SPAG16: variants seen among roughly 807,000 people sequenced by gnomAD.
SPAG16 encodes sperm-associated antigen 16 protein.
A neutral mutation model predicts 80.4 loss-of-function variants in SPAG16; 86 were observed. That is an observed-to-expected ratio of 1.07 (90% CI 0.90 to 1.28). The LOEUF (loss-of-function observed/expected upper bound fraction) is 1.28, where lower values mean the gene tolerates loss of function less well. SPAG16 is among the 50% of genes most tolerant of loss of function. The pLI is 0.00. For synonymous variants in SPAG16, 294 were observed against 265.9 expected (o/e 1.11, Z -1.03); for missense variants, 870 against 765.3 (o/e 1.14, Z -1.61).
intron 9 of SPAG16, among the ~76,000 whole-genome samples, chr2:213,458,570 T>TA (rs1255342712): frequency 6.6e-6 from 1 of 152,128 alleles, no homozygotes; most frequent in African/African-American, 2.4e-5. Context: ...AGACTCAGTC[T>TA]AAAAAAATAA....
intron 9 of SPAG16, among the ~76,000 whole-genome samples, chr2:213,393,772 G>A (rs2067893486): frequency 6.6e-6 from 1 of 151,656 alleles, no homozygotes; most frequent in South Asian, 2.1e-4. Context: ...ATTCATTATT[G>A]CCAGGGTTTT....
chr2:213,293,179 A>G (rs781355306), intron 1 of SPAG16, among the ~76,000 whole-genome samples: 1 of 152,092 alleles, frequency 6.6e-6, no homozygotes, highest in Non-Finnish European at 1.5e-5. Flanking sequence ...TCTCTCTTTC[A>G]TGGTGCCCTG....
intron 12 of SPAG16, among the ~76,000 whole-genome samples, chr2:213,956,847 A>C (rs566337909): frequency 6.6e-6 from 1 of 152,116 alleles, no homozygotes; most frequent in East Asian, 1.9e-4. Flanking sequence ...TTCTGTTTTC[A>C]TTCATCTCTA....
At chr2:213,579,444 T>C (rs2060229858) in intron 10 of SPAG16, among the ~76,000 whole-genome samples, 2 of 152,148 alleles carry the variant, frequency 1.3e-5, no homozygotes, top group East Asian at 3.9e-4. Context: ...ATTGGTCTTA[T>C]TAAAACTCTT....
At chr2:213,502,068 G>A (rs2074765894) in intron 10 of SPAG16, among the ~76,000 whole-genome samples, 1 of 151,986 alleles carries the variant, frequency 6.6e-6, no homozygotes, top group Non-Finnish European at 1.5e-5. Flanking sequence ...CTTTTATTCT[G>A]GAATAGGACA....
intron 15 of SPAG16, among the ~76,000 whole-genome samples, chr2:214,353,626 A>T (rs1698570027): frequency 6.6e-6 from 1 of 152,142 alleles, no homozygotes; most frequent in South Asian, 2.1e-4. Flanking sequence ...AAATGCTAAT[A>T]TGTGGTGTTT....
chr2:213,452,320 G>A (rs2008939), intron 9 of SPAG16, among the ~76,000 whole-genome samples: 3,536 of 152,190 alleles, frequency 0.023, 58 homozygotes, highest in South Asian at 0.038. Flanking sequence ...ACCTTGGTAC[G>A]TATTTCAGTG....
chr2:213,627,596 C>T (rs2062004387), intron 10 of SPAG16, among the ~76,000 whole-genome samples: 2 of 152,148 alleles, frequency 1.3e-5, no homozygotes, highest in African/African-American at 4.8e-5. Flanking sequence ...TGTCTGTCTC[C>T]TTTACCACAC....
At chr2:213,886,906 T>C (rs552771324) in intron 11 of SPAG16, among the ~76,000 whole-genome samples, 3 of 152,260 alleles carry the variant, frequency 2.0e-5, no homozygotes, top group South Asian at 2.1e-4. Context: ...GAGAGAAATA[T>C]TAAAATTATC....
intron 11 of SPAG16, among the ~76,000 whole-genome samples, chr2:213,869,265 A>AAAAAAATATATATATACG (rs1491244962): frequency 4.0e-5 from 1 of 24,806 alleles, no homozygotes; most frequent in Non-Finnish European, 2.8e-4. Context: ...AAAAAAAAAA[A>AAAAAAATATATATATACG]TATATATATA....
rs558144279 is a variant in SPAG16 at position 214,233,325 on chromosome 2, C to T, written c.1720+84059C>T. Among the ~76,000 whole-genome samples, 9 of 147,910 alleles carry T rather than the reference C, an allele frequency of 6.1e-5. No homozygotes were observed. In the East Asian group the frequency reaches 1.8e-3, roughly 30 times the overall value. Reference sequence around the variant, plus strand: ...AGCCTTCTGTATATGTGCCCTAATTCTCAGTAAAAATAGATAATAATGATG... The same window carrying T: ...AGCCTTCTGTATATGTGCCCTAATTTTCAGTAAAAATAGATAATAATGATG... On this transcript the variant is annotated intron_variant, in intron 15 of 15. Coordinates refer to ENST00000331683, the MANE Select transcript of SPAG16 (RefSeq NM_024532.5).
chr2:213,526,510 C>T (rs926953689), intron 10 of SPAG16, among the ~76,000 whole-genome samples: 5 of 152,196 alleles, frequency 3.3e-5, no homozygotes, highest in Non-Finnish European at 7.4e-5. Flanking sequence ...CCCTTTGGCT[C>T]TGATCTGGAC....
At chr2:214,262,428 G>A (rs1022823034) in intron 15 of SPAG16, among the ~76,000 whole-genome samples, 1 of 151,934 alleles carries the variant, frequency 6.6e-6, no homozygotes, top group African/African-American at 2.4e-5. Context: ...ACTTTGAAGA[G>A]TCTTTGTTAT....
intron 10 of SPAG16, among the ~76,000 whole-genome samples, chr2:213,837,057 T>G (rs1187934535): frequency 6.6e-6 from 1 of 152,256 alleles, no homozygotes. Flanking sequence ...AGACTCCTCA[T>G]TTTAATTCCG....
intron 13 of SPAG16, among the ~76,000 whole-genome samples, chr2:214,014,522 G>A (rs1275191699): frequency 6.6e-6 from 1 of 152,164 alleles, no homozygotes; most frequent in Non-Finnish European, 1.5e-5. Flanking sequence ...AGTGTGGATG[G>A]CTTTCAAAGG....
At chr2:214,254,483 T>C (rs1173096534) in intron 15 of SPAG16, among the ~76,000 whole-genome samples, 1 of 151,994 alleles carries the variant, frequency 6.6e-6, no homozygotes, top group Non-Finnish European at 1.5e-5. Flanking sequence ...TTATTGAGAG[T>C]TTTTAACATG....
chr2:214,176,590 G>C (rs1427725682), intron 15 of SPAG16, among the ~76,000 whole-genome samples: 5 of 151,364 alleles, frequency 3.3e-5, no homozygotes, highest in African/African-American at 1.2e-4. Context: ...CTAACAAAAA[G>C]ATTCCTTTCC....
At chr2:213,291,908 T>A (rs2126057913) in intron 1 of SPAG16, among the ~76,000 whole-genome samples, 1 of 152,358 alleles carries the variant, frequency 6.6e-6, no homozygotes, top group East Asian at 1.9e-4. Flanking sequence ...ATAGTTTTGG[T>A]CCATGTGAAA....
intron 12 of SPAG16, among the ~76,000 whole-genome samples, chr2:213,969,810 A>G (rs980696704): frequency 1.3e-5 from 2 of 152,160 alleles, no homozygotes; most frequent in Non-Finnish European, 2.9e-5. Flanking sequence ...GAGTGTGTGT[A>G]AAATGTGGAA....
Sources: gnomAD v4.1 joint callset for allele counts (sites outside exome capture counted in the v4.1 genomes callset) on GRCh38, gnomAD v4.1.1 for gene constraint, MANE v1.5 for transcripts, NCBI Gene and HGNC (gene_info 2026-07-23, HGNC 2026-07-21) for gene names.